DSCAM: variants seen among roughly 807,000 people sequenced by gnomAD.
DSCAM encodes the protein cell adhesion molecule DSCAM.
In DSCAM, 47 loss-of-function variants were observed where a neutral mutation model predicts 217.7. The observed-to-expected ratio is 0.22, with a 90% CI of 0.17 to 0.28. DSCAM has a LOEUF of 0.28. Among genes scored for constraint, DSCAM ranks in the 10% least tolerant of loss-of-function variants. The probability of loss-of-function intolerance (pLI) is 1.00; values close to 1 mark genes in which losing one functional copy is unlikely to be tolerated. For synonymous variants in DSCAM, 1,056 were observed against 1,015.3 expected (o/e 1.04, Z -0.76); for missense variants, 2,080 against 2,618.3 (o/e 0.79, Z 4.49).
At chr21:40,338,441 A>C in intron 7 of DSCAM, 65 bp from the exon 8 acceptor site, 1 of 1,492,440 alleles carries the variant, frequency 6.7e-7, no homozygotes, top group Non-Finnish European at 9.1e-7. Context: ...GGAAATGGGT[A>C]CACTTTTCCT....
At chr21:40,106,133 G>A (rs1024404968) in intron 20 of DSCAM, among the ~76,000 whole-genome samples, 2 of 152,154 alleles carry the variant, frequency 1.3e-5, no homozygotes, top group African/African-American at 4.8e-5. Context: ...TTTACATGGT[G>A]GCAGACAAGA....
chr21:40,601,786 A>G (rs2077063916), intron 3 of DSCAM, among the ~76,000 whole-genome samples: 1 of 152,162 alleles, frequency 6.6e-6, no homozygotes. Context: ...TTCATTCTTC[A>G]GCCTATTATA....
intron 3 of DSCAM, among the ~76,000 whole-genome samples, chr21:40,456,057 G>A (rs1033853590): frequency 6.6e-6 from 1 of 151,866 alleles, no homozygotes; most frequent in Non-Finnish European, 1.5e-5. Context: ...CCTGCACATT[G>A]TGCACATGTA....
intron 3 of DSCAM, among the ~76,000 whole-genome samples, chr21:40,551,246 A>T (rs1227978903): frequency 6.6e-6 from 1 of 152,214 alleles, no homozygotes; most frequent in East Asian, 1.9e-4. Context: ...ACATTGGTTC[A>T]GTCCAGAAAG....
At chr21:40,130,011 C>G (rs2090138821) in intron 19 of DSCAM, among the ~76,000 whole-genome samples, 1 of 152,176 alleles carries the variant, frequency 6.6e-6, no homozygotes, top group Non-Finnish European at 1.5e-5. Flanking sequence ...ACATATTACA[C>G]CTGCTGCTGG....
chr21:40,079,185 C>A (rs1414644476), intron 25 of DSCAM, among the ~76,000 whole-genome samples: 1 of 152,156 alleles, frequency 6.6e-6, no homozygotes, highest in African/African-American at 2.4e-5. Flanking sequence ...GGGTGTGTGA[C>A]AGAAAATTGC....
intron 3 of DSCAM, among the ~76,000 whole-genome samples, chr21:40,516,474 G>A (rs1490992639): frequency 6.6e-6 from 1 of 152,118 alleles, no homozygotes; most frequent in Non-Finnish European, 1.5e-5. Context: ...GTTGACAGTT[G>A]GCATCCAGTC....
intron 11 of DSCAM, among the ~76,000 whole-genome samples, chr21:40,205,311 T>C (rs1043150250): frequency 6.6e-6 from 1 of 152,136 alleles, no homozygotes; most frequent in Admixed American, 6.5e-5. Context: ...TGCAAGTAAG[T>C]GTACTCTTGG....
At chr21:40,270,066 A>G (rs2073595387) in intron 11 of DSCAM, among the ~76,000 whole-genome samples, 1 of 152,182 alleles carries the variant, frequency 6.6e-6, no homozygotes, top group Admixed American at 6.5e-5. Context: ...GAGAATCTTT[A>G]GCTGGTGGAA....
intron 11 of DSCAM, among the ~76,000 whole-genome samples, chr21:40,230,866 G>C (rs2091374916): frequency 6.6e-6 from 1 of 152,052 alleles, no homozygotes; most frequent in South Asian, 2.1e-4. Flanking sequence ...TTTTGGGCCT[G>C]TGTTTCAGGG....
At chr21:40,619,993 GAGAGAA>G (rs1350667815) in intron 3 of DSCAM, among the ~76,000 whole-genome samples, 12 of 123,510 alleles carry the variant, frequency 9.7e-5, no homozygotes, top group African/African-American at 3.0e-4. Context: ...AAGAAAGAGA[GAGAGAA>G]AGAGAGAGAA....
chr21:40,189,956 C>T (rs545774583), intron 11 of DSCAM, among the ~76,000 whole-genome samples: 8 of 152,320 alleles, frequency 5.3e-5, no homozygotes, highest in African/African-American at 1.7e-4. Flanking sequence ...AAAACTTCCA[C>T]TTTTAGTCAA....
chr21:40,414,938 T>C (rs2075357018), intron 3 of DSCAM, among the ~76,000 whole-genome samples: 1 of 152,174 alleles, frequency 6.6e-6, no homozygotes, highest in Non-Finnish European at 1.5e-5. Flanking sequence ...AAGAGACAAT[T>C]TTCTTACCCT....
intron 10 of DSCAM, among the ~76,000 whole-genome samples, chr21:40,278,656 G>C (rs1330420018): frequency 7.2e-5 from 11 of 151,946 alleles, no homozygotes; most frequent in African/African-American, 2.7e-4. Flanking sequence ...GTGGGTTTGA[G>C]GTTACAGTGA....
intron 15 of DSCAM, 140 bp downstream of exon 15, chr21:40,178,787 G>T: frequency 1.0e-6 from 1 of 969,994 alleles, no homozygotes; most frequent in Non-Finnish European, 1.5e-6. Context: ...GTTTTTTATA[G>T]GGCACAGAAC....
intron 19 of DSCAM, among the ~76,000 whole-genome samples, chr21:40,125,732 G>A (rs988272763): frequency 6.6e-6 from 1 of 152,188 alleles, no homozygotes; most frequent in African/African-American, 2.4e-5. Context: ...TAGATCCTGG[G>A]TTAAAAAATC....
At chr21:40,647,327 C>A (rs951509062) in intron 3 of DSCAM, among the ~76,000 whole-genome samples, 1 of 152,090 alleles carries the variant, frequency 6.6e-6, no homozygotes, top group Admixed American at 6.5e-5. Flanking sequence ...ATTAAAAACT[C>A]TTCTGTAATA....
intron 3 of DSCAM, among the ~76,000 whole-genome samples, chr21:40,411,494 T>C (rs531342076): frequency 1.3e-5 from 2 of 152,280 alleles, no homozygotes; most frequent in African/African-American, 2.4e-5. Context: ...TATCAGATTG[T>C]ATAAAATGCA....
At chr21:40,699,845 G>A (rs2090636621) in intron 2 of DSCAM, among the ~76,000 whole-genome samples, 1 of 152,194 alleles carries the variant, frequency 6.6e-6, no homozygotes, top group Admixed American at 6.5e-5. Context: ...AAGTGTTGAT[G>A]GAGAAACTGC....
Sources: gnomAD v4.1 joint callset for allele counts (sites outside exome capture counted in the v4.1 genomes callset) on GRCh38, gnomAD v4.1.1 for gene constraint, MANE v1.5 for transcripts, NCBI Gene and HGNC (gene_info 2026-07-23, HGNC 2026-07-21) for gene names.